Variants in TBC1D16 observed in about 807,000 individuals in gnomAD.
The protein encoded by TBC1D16 is CTD-2529O21.1.
TBC1D16 carries 58 observed loss-of-function variants against 74.7 expected under a neutral mutation model. The observed-to-expected ratio is 0.78, with a 90% CI of 0.63 to 0.97. The LOEUF (loss-of-function observed/expected upper bound fraction) is 0.97, where lower values mean the gene tolerates loss of function less well. Among genes scored for constraint, TBC1D16 ranks in the 50% least tolerant of loss-of-function variants. TBC1D16 has a pLI of 0.00. For synonymous variants in TBC1D16, 493 were observed against 474.7 expected (o/e 1.04, Z -0.50); for missense variants, 1,014 against 1,079.5 (o/e 0.94, Z 0.85).
intron 1 of TBC1D16, among the ~76,000 whole-genome samples, chr17:80,025,066 G>C (rs1598444692): frequency 2.5e-5 from 1 of 40,484 alleles, no homozygotes; most frequent in Non-Finnish European, 4.8e-5. Context: ...CACACACTAT[G>C]ACACACACAC....
rs1489839046 is a variant in TBC1D16 at position 79,949,809 on chromosome 17, C to A, written c.1314G>T (p.Leu438=). 6.2e-7 allele frequency: 1 copy of A among 1,613,798 alleles called. No individual in the cohort carries two copies. Among genetic ancestry groups the A allele is most frequent in the Non-Finnish European group, 8.5e-7 (1 of 1,179,978 alleles). ...TGGACTCGTGGCTGTAATAGCGCAG[C>A]AGGAAGGGCCAGACCTCCCCGCGGA... is the stretch of plus-strand genomic sequence containing the variant. ...VSIRGEVWPF[L]LRYYSHESTS... The change falls in exon 7 of 12, where the codon CTG becomes CTT. Residue 438 remains leucine, a synonymous_variant. Transcript: ENST00000310924.
At chr17:80,012,098 C>G (rs2035918294) in intron 2 of TBC1D16, among the ~76,000 whole-genome samples, 1 of 152,106 alleles carries the variant, frequency 6.6e-6, no homozygotes, top group East Asian at 1.9e-4. Context: ...TGGGCCTCCC[C>G]CACCCACTCT....
intron 9 of TBC1D16, 141 bp downstream of exon 9, chr17:79,947,504 G>T (rs1326264408): frequency 1.1e-6 from 1 of 904,618 alleles, no homozygotes; most frequent in Non-Finnish European, 1.7e-6. Flanking sequence ...TATCCCACGG[G>T]CAAGTCCTAT....
intron 3 of TBC1D16, among the ~76,000 whole-genome samples, chr17:79,976,797 C>T (rs1228550631): frequency 6.6e-6 from 1 of 152,020 alleles, no homozygotes; most frequent in Non-Finnish European, 1.5e-5. Flanking sequence ...GTTGACAGTG[C>T]CTTTCCATTC....
At chr17:79,998,158 G>T (rs966557058) in intron 3 of TBC1D16, among the ~76,000 whole-genome samples, 11 of 138,318 alleles carry the variant, frequency 8.0e-5, no homozygotes, top group African/African-American at 2.7e-4. Flanking sequence ...GACAAGAAAA[G>T]AAAAGGAAAA....
intron 3 of TBC1D16, among the ~76,000 whole-genome samples, chr17:79,973,467 T>C (rs1303639509): frequency 6.6e-6 from 1 of 152,144 alleles, no homozygotes. Context: ...CCCAGCACTT[T>C]GGAAGGCCAA....
chr17:79,945,577 C>A (rs2032459091), intron 9 of TBC1D16, among the ~76,000 whole-genome samples: 1 of 152,206 alleles, frequency 6.6e-6, no homozygotes, highest in Admixed American at 6.5e-5. Context: ...TCGATTCCTG[C>A]CATTAAGGTC....
At chr17:79,949,353 C>T (rs1389525376) in intron 7 of TBC1D16, among the ~76,000 whole-genome samples, 3 of 152,232 alleles carry the variant, frequency 2.0e-5, no homozygotes, top group African/African-American at 4.8e-5. Context: ...GAGAGCTGAG[C>T]CCAGTCCCGG....
At chr17:80,025,633 CA>C (rs1157480241) in intron 1 of TBC1D16, among the ~76,000 whole-genome samples, 1 of 144,744 alleles carries the variant, frequency 6.9e-6, no homozygotes, top group African/African-American at 2.8e-5. Flanking sequence ...AGGAGCCCCC[CA>C]CCCCCACCCA....
Position 79,983,608 on chromosome 17 carries a change from T to G in TBC1D16, c.779+26552A>C, listed in dbSNP as rs2034685061. 6.6e-6 allele frequency among the ~76,000 whole-genome samples: 1 copy of G among 152,092 alleles called. No individual in the cohort carries two copies. The highest frequency in any genetic ancestry group is 2.1e-4 in the South Asian group (1 of 4,834). ...TAGGGCTCAAAGCAAGGCAGAATGT[T>G]GAGAAGTGCACATGTGTGCAAAGCC... On this transcript the variant is annotated intron_variant, in intron 3 of 11. Transcript: ENST00000310924. The surrounding 1 kb of genome is among the most constrained non-coding windows in gnomAD (Gnocchi z 5.6).
chr17:80,017,082 C>T (rs554434714), intron 1 of TBC1D16, among the ~76,000 whole-genome samples: 1 of 152,258 alleles, frequency 6.6e-6, no homozygotes, highest in Admixed American at 6.5e-5. Flanking sequence ...CTCCCTAGCC[C>T]ACCCCTTTTT....
At chr17:79,996,556 T>C (rs1598404176) in intron 3 of TBC1D16, among the ~76,000 whole-genome samples, 2 of 152,272 alleles carry the variant, frequency 1.3e-5, no homozygotes, top group East Asian at 3.9e-4. Flanking sequence ...GCCCAGCCAC[T>C]CTATGCAACA....
At chr17:80,006,226 TTC>T (rs113353447) in intron 3 of TBC1D16, among the ~76,000 whole-genome samples, 150 of 147,956 alleles carry the variant, frequency 1.0e-3, no homozygotes, top group Non-Finnish European at 1.0e-3. Flanking sequence ...CTCTCTTTCT[TTC>T]TCTCTCTCTC....
chr17:79,973,402 G>C (rs748193784), intron 3 of TBC1D16, among the ~76,000 whole-genome samples: 10 of 151,980 alleles, frequency 6.6e-5, no homozygotes, highest in Non-Finnish European at 1.3e-4. Flanking sequence ...GTTAGACCCC[G>C]TCTTTATAAA....
At position 79,948,854 on chromosome 17, in the gene TBC1D16, T is replaced by C. The variant is rs1476878140; in HGVS notation, c.1541+18A>G. 7 of 1,613,934 alleles carry C rather than the reference T, an allele frequency of 4.3e-6. No homozygotes were observed. Among genetic ancestry groups the C allele is most frequent in the Non-Finnish European group, 5.9e-6 (7 of 1,179,866 alleles). On this transcript the variant is annotated intron_variant, in intron 8 of 11. Coordinates refer to ENST00000310924, the MANE Select transcript of TBC1D16 (RefSeq NM_019020.4). ...GCAGACTTGCAGATGGGAAAGGAGCTGGCTGGGGAGGGAGTACCTCATGCT... is the reference window on the plus strand; with the variant it reads ...GCAGACTTGCAGATGGGAAAGGAGCCGGCTGGGGAGGGAGTACCTCATGCT...
Position 79,947,633 on chromosome 17 carries a change from C to A in TBC1D16, c.1728+12G>T. Reference sequence around the variant, plus strand: ...ACATGCCCTTGGACGCACCCATCCCCCTGAGCCTCACCAGTTGTTTCTCCA... The same window carrying A: ...ACATGCCCTTGGACGCACCCATCCCACTGAGCCTCACCAGTTGTTTCTCCA... On this transcript the variant is annotated intron_variant, in intron 9 of 11. Transcript: ENST00000310924. The A allele has an allele frequency of 6.2e-7, 1 of 1,613,844 alleles. No homozygotes were observed. Among genetic ancestry groups the A allele is most frequent in the Non-Finnish European group, 8.5e-7 (1 of 1,179,850 alleles).
In TBC1D16 at chr17:80,035,384, G is replaced by A. The variant is rs922997334; in HGVS notation, c.-63+411C>T. Among the ~76,000 whole-genome samples the A allele has an allele frequency of 2.2e-4, 34 of 152,060 alleles. No homozygotes were observed. The highest frequency in any genetic ancestry group is 8.2e-4 in the African/African-American group (34 of 41,420). ...GCGCTGCTGGGGGGACGCACACTTT[G>A]GAGGCTGTGTGGGCGCGCGCCGGCA... On this transcript the variant is annotated intron_variant, in intron 1 of 11. Coordinates refer to ENST00000310924, the MANE Select transcript of TBC1D16 (RefSeq NM_019020.4). The surrounding 1 kb of genome is among the most constrained non-coding windows in gnomAD (Gnocchi z 5.3).
At chr17:80,017,914 G>A (rs547015674) in intron 1 of TBC1D16, among the ~76,000 whole-genome samples, 10 of 152,080 alleles carry the variant, frequency 6.6e-5, no homozygotes, top group Non-Finnish European at 1.5e-4. Context: ...AGGGGCATAT[G>A]ACAACCAAGT....
chr17:79,983,768 CA>C lies in TBC1D16; in HGVS notation c.779+26391del, dbSNP rs1423473816. On this transcript the variant is annotated intron_variant, in intron 3 of 11. Coordinates refer to ENST00000310924, the MANE Select transcript of TBC1D16 (RefSeq NM_019020.4). The surrounding 1 kb of genome is among the most constrained non-coding windows in gnomAD (Gnocchi z 5.6). ...CTCCTAGGAAGCTCTAGTTCAGACA[CA>C]GGGGGCGCTGGGTCACGGGGTTCAT... Among the ~76,000 whole-genome samples the C allele has an allele frequency of 6.6e-6, 1 of 152,186 alleles. No individual in the cohort carries two copies. Among genetic ancestry groups the C allele is most frequent in the Non-Finnish European group, 1.5e-5 (1 of 68,020 alleles).
Sources: gnomAD v4.1 joint callset for allele counts (sites outside exome capture counted in the v4.1 genomes callset) on GRCh38, gnomAD v4.1.1 for gene constraint, Gnocchi (gnomAD v3.1) non-coding constraint, MANE v1.5 for transcripts, NCBI Gene and HGNC (gene_info 2026-07-23, HGNC 2026-07-21) for gene names.